WWOX: variants seen among roughly 807,000 people sequenced by gnomAD.
WWOX encodes the protein WW domain containing oxidoreductase, also known as WW domain-containing oxidoreductase.
A neutral mutation model predicts 46.2 loss-of-function variants in WWOX; 69 were observed. The ratio of observed to expected loss-of-function variants is 1.49; its 90% CI spans 1.23 to 1.82. The LOEUF is 1.82. Among genes scored for constraint, WWOX ranks in the 40% most tolerant of loss-of-function variants. The pLI, the probability that WWOX is intolerant of heterozygous loss-of-function variation, is 0.00. For missense variants in WWOX, 919 were observed against 542.6 expected (o/e 1.69, Z -6.89); for synonymous variants, 359 against 202.6 (o/e 1.77, Z -6.56).
At chr16:78,817,233 T>C (rs2051357906) in intron 8 of WWOX, among the ~76,000 whole-genome samples, 1 of 120,596 alleles carries the variant, frequency 8.3e-6, no homozygotes, top group South Asian at 2.8e-4. Flanking sequence ...TCACAAAGAA[T>C]AGGGAAGCTT....
chr16:79,027,734 A>ATTTAG (rs2047674365), intron 8 of WWOX, among the ~76,000 whole-genome samples: 2 of 150,536 alleles, frequency 1.3e-5, no homozygotes, highest in Non-Finnish European at 3.0e-5. Flanking sequence ...TTTTATACAG[A>ATTTAG]ATGTCTCTTT....
In WWOX at chr16:78,298,119, T is replaced by C. The variant is rs78898593; in HGVS notation, c.517-88741T>C. 3.9e-5 allele frequency among the ~76,000 whole-genome samples: 6 copies of C among 152,168 alleles called. 1 individual carries two copies. ...GACATATTTGCTTCTCCTTCCATCA[T>C]GAATGTAAGTTTTCTGAGGCCTCTG... On this transcript the variant is annotated intron_variant, in intron 5 of 8. Transcript: ENST00000566780.
At chr16:78,409,086 C>T (rs2082613445) in intron 6 of WWOX, among the ~76,000 whole-genome samples, 2 of 152,254 alleles carry the variant, frequency 1.3e-5, no homozygotes, top group South Asian at 4.2e-4. Context: ...GAGTGAGACC[C>T]TGTTGCTAAA....
At chr16:79,193,017 G>A (rs1211030249) in intron 8 of WWOX, among the ~76,000 whole-genome samples, 1 of 152,218 alleles carries the variant, frequency 6.6e-6, no homozygotes, top group Non-Finnish European at 1.5e-5. Flanking sequence ...AAAGGAGACA[G>A]AAGTTTGTGT....
At chr16:78,892,801 A>T (rs1014998106) in intron 8 of WWOX, among the ~76,000 whole-genome samples, 2 of 152,196 alleles carry the variant, frequency 1.3e-5, no homozygotes, top group Non-Finnish European at 2.9e-5. Context: ...ATTTGGACCA[A>T]CCTGCAGTTA....
Position 78,891,581 on chromosome 16 carries a change from A to G in WWOX, c.1057-320027A>G, listed in dbSNP as rs1018475750. 3.3e-5 allele frequency: 5 copies of G among 152,204 alleles called. No individual in the cohort carries two copies. The East Asian group carries it at 9.6e-4, about 29-fold the overall frequency. 9.4% of individuals were successfully genotyped at this position (152,204 alleles called of 1,614,324 possible). On this transcript the variant is annotated intron_variant, in intron 8 of 8. Coordinates refer to ENST00000566780, the MANE Select transcript of WWOX (RefSeq NM_016373.4). ...CTTTAAATTAAATTCTCTGTCGATA[A>G]TTGATGCAAAGAATTAATGTGAGAA...
chr16:78,995,216 G>A (rs1402171017), intron 8 of WWOX, among the ~76,000 whole-genome samples: 1 of 151,852 alleles, frequency 6.6e-6, no homozygotes. Context: ...TTCCAAATAC[G>A]TGATTCCAAA....
chr16:78,227,171 C>T (rs1302746103), intron 5 of WWOX, among the ~76,000 whole-genome samples: 1 of 152,198 alleles, frequency 6.6e-6, no homozygotes, highest in African/African-American at 2.4e-5. Flanking sequence ...CTTTCCTGTT[C>T]ATTACTCTTT....
At chr16:78,119,720 C>T (rs2032995164) in intron 4 of WWOX, among the ~76,000 whole-genome samples, 1 of 151,854 alleles carries the variant, frequency 6.6e-6, no homozygotes, top group Non-Finnish European at 1.5e-5. Context: ...CCCACCTTAG[C>T]CTCCCAAAGT....
chr16:78,578,587 G>C (rs924168290), intron 8 of WWOX, among the ~76,000 whole-genome samples: 3 of 151,612 alleles, frequency 2.0e-5, no homozygotes, highest in Non-Finnish European at 4.4e-5. Context: ...CGCGGCTGGC[G>C]AAAATTATAT....
chr16:78,548,448 A>T lies in WWOX; in HGVS notation c.1056+115696A>T, dbSNP rs539152523. Among the ~76,000 whole-genome samples, 6 of 152,308 alleles carry T rather than the reference A, an allele frequency of 3.9e-5. No homozygotes were observed. The South Asian group carries it at 6.2e-4, about 16-fold the overall frequency. ...TAACATATTATTTTAATCTAAAGAC[A>T]TCCTATCCCTGAATTTAGGGGGAGA... On this transcript the variant is annotated intron_variant, in intron 8 of 8. Transcript: ENST00000566780.
At chr16:78,457,561 G>A (rs1272037371) in intron 8 of WWOX, among the ~76,000 whole-genome samples, 2 of 151,844 alleles carry the variant, frequency 1.3e-5, no homozygotes, top group African/African-American at 2.4e-5. Context: ...CTTAACAGCC[G>A]TTTTTATAAG....
chr16:79,021,165 T>G (rs1172760805), intron 8 of WWOX, among the ~76,000 whole-genome samples: 1 of 152,170 alleles, frequency 6.6e-6, no homozygotes, highest in African/African-American at 2.4e-5. Context: ...GTGAATATGT[T>G]TATAAAGACA....
intron 8 of WWOX, among the ~76,000 whole-genome samples, chr16:78,653,128 C>G (rs943875941): frequency 1.3e-5 from 2 of 151,432 alleles, no homozygotes; most frequent in East Asian, 3.9e-4. Context: ...ACAAATTGGG[C>G]TCGTAATATA....
At chr16:79,175,368 G>T (rs1254934142) in intron 8 of WWOX, among the ~76,000 whole-genome samples, 1 of 152,280 alleles carries the variant, frequency 6.6e-6, no homozygotes, top group East Asian at 1.9e-4. Context: ...TTCTGGGTGT[G>T]GGTTTTAAAT....
At chr16:78,444,801 A>G (rs1415643211) in intron 8 of WWOX, among the ~76,000 whole-genome samples, 4 of 152,120 alleles carry the variant, frequency 2.6e-5, no homozygotes. Flanking sequence ...AAGTGCTGGA[A>G]TTACAGGCGT....
chr16:78,424,506 C>G (rs184234371), intron 6 of WWOX, among the ~76,000 whole-genome samples: 82 of 152,308 alleles, frequency 5.4e-4, no homozygotes, highest in African/African-American at 1.8e-3. Flanking sequence ...CAAAGTGAGA[C>G]TTGGATGAAT....
At chr16:78,811,440 C>T (rs992017050) in intron 8 of WWOX, among the ~76,000 whole-genome samples, 2 of 151,998 alleles carry the variant, frequency 1.3e-5, no homozygotes, top group South Asian at 2.1e-4. Flanking sequence ...TCCTCCCTTT[C>T]TTCCTTTCCT....
intron 5 of WWOX, among the ~76,000 whole-genome samples, chr16:78,279,960 A>G (rs1878085875): frequency 1.3e-5 from 2 of 152,216 alleles, no homozygotes; most frequent in Admixed American, 6.5e-5. Flanking sequence ...AAAACAGGAA[A>G]CCACAGATGA....
Sources: gnomAD v4.1 joint callset for allele counts (sites outside exome capture counted in the v4.1 genomes callset) on GRCh38, gnomAD v4.1.1 for gene constraint, MANE v1.5 for transcripts, NCBI Gene and HGNC (gene_info 2026-07-23, HGNC 2026-07-21) for gene names.